TRIM9: variants seen among roughly 807,000 people sequenced by gnomAD.
TRIM9 encodes the protein E3 ubiquitin-protein ligase TRIM9.
TRIM9 carries 26 observed loss-of-function variants against 78.3 expected under a neutral mutation model. The observed-to-expected ratio is 0.33, with a 90% CI of 0.24 to 0.46. The LOEUF is 0.46. TRIM9 is among the 20% of genes least tolerant of loss of function. The pLI is 1.00. For synonymous variants in TRIM9, 398 were observed against 416.5 expected (o/e 0.96, Z 0.54); for missense variants, 787 against 1,036.4 (o/e 0.76, Z 3.30).
Position 51,094,204 on chromosome 14 carries a change from T to A in TRIM9, c.736A>T (p.Met246Leu). 1 of 1,614,202 alleles carries A rather than the reference T, an allele frequency of 6.2e-7. No individual in the cohort carries two copies. Among genetic ancestry groups the A allele is most frequent in the Non-Finnish European group, 8.5e-7 (1 of 1,180,028 alleles). ...TCCAAGCACTGGTAGCACACGGGCATCTTGCATTGCACGCAGTACATGCTG... is the reference window on the plus strand; with the variant it reads ...TCCAAGCACTGGTAGCACACGGGCAACTTGCATTGCACGCAGTACATGCTG... ...NHSMYCVQCK[M>L]PVCYQCLEEG... Residue 246 changes from methionine (M) to leucine (L), a missense_variant, in exon 1 of 13, where the codon ATG becomes TTG. Transcript: ENST00000684578.
chr14:51,086,549 T>G (rs567411105), intron 1 of TRIM9, among the ~76,000 whole-genome samples: 4 of 152,354 alleles, frequency 2.6e-5, no homozygotes, highest in African/African-American at 9.6e-5. Flanking sequence ...TTTATCTAAC[T>G]TCTACTAAGT....
chr14:51,015,254 A>G (rs2057029789), intron 3 of TRIM9, among the ~76,000 whole-genome samples: 1 of 152,114 alleles, frequency 6.6e-6, no homozygotes, highest in Admixed American at 6.5e-5. Context: ...TACACAATAC[A>G]CAGGTAAAAT....
At chr14:51,086,160 GC>G (rs1320963202) in intron 1 of TRIM9, among the ~76,000 whole-genome samples, 2 of 152,328 alleles carry the variant, frequency 1.3e-5, no homozygotes, top group East Asian at 3.9e-4. Context: ...ATAAAACTGT[GC>G]TTTATAGGTA....
intron 7 of TRIM9, among the ~76,000 whole-genome samples, chr14:50,993,371 C>T (rs2053772982): frequency 6.9e-6 from 1 of 144,266 alleles, no homozygotes; most frequent in African/African-American, 2.5e-5. Context: ...CAACAAGACT[C>T]TTTTTTTTTT....
chr14:50,990,161 G>A (rs1296912084), intron 7 of TRIM9, among the ~76,000 whole-genome samples: 2 of 152,130 alleles, frequency 1.3e-5, no homozygotes, highest in African/African-American at 4.8e-5. Context: ...GGAACTACAG[G>A]TGCATACCAC....
intron 3 of TRIM9, among the ~76,000 whole-genome samples, chr14:51,018,608 T>C (rs955435533): frequency 6.6e-6 from 1 of 152,192 alleles, no homozygotes; most frequent in Non-Finnish European, 1.5e-5. Context: ...ACAAAACTCA[T>C]AGATTACACT....
At chr14:51,048,856 C>T (rs568806864) in intron 1 of TRIM9, among the ~76,000 whole-genome samples, 36 of 151,630 alleles carry the variant, frequency 2.4e-4, no homozygotes, top group Non-Finnish European at 4.6e-4. Context: ...TGGTGATGGA[C>T]GTCTGTAGTC....
At chr14:51,076,476 G>A (rs141042537) in intron 1 of TRIM9, among the ~76,000 whole-genome samples, 16 of 152,244 alleles carry the variant, frequency 1.1e-4, no homozygotes, top group Admixed American at 6.5e-4. Flanking sequence ...CATTTCAGCC[G>A]TTCTTTCCAT....
At chr14:51,036,625 A>G (rs1375485153) in intron 1 of TRIM9, among the ~76,000 whole-genome samples, 1 of 152,252 alleles carries the variant, frequency 6.6e-6, no homozygotes, top group Non-Finnish European at 1.5e-5. Flanking sequence ...TATTTATGGA[A>G]TAATGACAAG....
chr14:51,050,676 T>C (rs8012460), intron 1 of TRIM9, among the ~76,000 whole-genome samples: 19,950 of 152,164 alleles, frequency 0.13, 1,690 homozygotes, highest in African/African-American at 0.25. Context: ...ATGTGCCTTC[T>C]GAAGCCAGGT....
intron 5 of TRIM9, among the ~76,000 whole-genome samples, chr14:51,001,689 G>A (rs1444645325): frequency 1.3e-5 from 2 of 151,928 alleles, no homozygotes; most frequent in East Asian, 1.9e-4. Context: ...TCTTCTGCAC[G>A]TAAGTAGCTA....
At chr14:50,981,405 A>G (rs2051875019) in intron 11 of TRIM9, among the ~76,000 whole-genome samples, 1 of 152,246 alleles carries the variant, frequency 6.6e-6, no homozygotes, top group South Asian at 2.1e-4. Context: ...CCACAAGGAA[A>G]AATTTTATTG....
chr14:51,014,610 G>A (rs562945044), intron 3 of TRIM9, among the ~76,000 whole-genome samples: 10 of 152,252 alleles, frequency 6.6e-5, no homozygotes, highest in East Asian at 5.8e-4. Context: ...TAGAAATCAG[G>A]CAGATTACCT....
At chr14:51,026,856 G>A (rs965341203) in intron 1 of TRIM9, among the ~76,000 whole-genome samples, 5 of 152,176 alleles carry the variant, frequency 3.3e-5, no homozygotes, top group African/African-American at 1.2e-4. Context: ...GGGAAGAACA[G>A]TAATACTTTG....
chr14:51,078,333 A>G (rs1159799259), intron 1 of TRIM9, among the ~76,000 whole-genome samples: 1 of 152,228 alleles, frequency 6.6e-6, no homozygotes, highest in African/African-American at 2.4e-5. Context: ...TTCAAATCCA[A>G]TATTTATACA....
chr14:50,999,769 C>T (rs1412456295), intron 6 of TRIM9, among the ~76,000 whole-genome samples: 1 of 152,068 alleles, frequency 6.6e-6, no homozygotes, highest in Non-Finnish European at 1.5e-5. Flanking sequence ...TTAGGAAGCT[C>T]CAAGCATCAG....
At chr14:51,032,386 G>A (rs940843901) in intron 1 of TRIM9, among the ~76,000 whole-genome samples, 4 of 152,218 alleles carry the variant, frequency 2.6e-5, no homozygotes, top group Admixed American at 6.5e-5. Context: ...CCCAGCTGCA[G>A]GGAATATCAG....
At chr14:50,989,586 G>A (rs2053210893) in intron 7 of TRIM9, among the ~76,000 whole-genome samples, 1 of 152,144 alleles carries the variant, frequency 6.6e-6, no homozygotes, top group South Asian at 2.1e-4. Context: ...AGCTCCTGAA[G>A]AGACGTTTAA....
chr14:51,034,945 C>T lies in TRIM9; in HGVS notation c.823-9585G>A, dbSNP rs568836067. Among the ~76,000 whole-genome samples, 27 of 152,158 alleles carry T rather than the reference C, an allele frequency of 1.8e-4. No homozygotes were observed. In the South Asian group the frequency reaches 5.0e-3, roughly 28 times the overall value. On this transcript the variant is annotated intron_variant, in intron 1 of 12. Coordinates refer to ENST00000684578, the MANE Select transcript of TRIM9 (RefSeq NM_001387360.1). ...GTTGTATAAAGCCTGGGCAGGCTAC[C>T]CTGGCACATAGTAAGTGTAATCTGA... is the stretch of plus-strand genomic sequence containing the variant.
Sources: allele counts gnomAD v4.1 joint callset (sites outside exome capture counted in the v4.1 genomes callset), GRCh38; gene constraint gnomAD v4.1.1; transcripts MANE v1.5; gene names NCBI Gene and HGNC (gene_info 2026-07-23, HGNC 2026-07-21).